The following PEBP4 variants were observed in gnomAD, a reference collection of about 807,000 sequenced individuals.
PEBP4 encodes the protein phosphatidylethanolamine-binding protein 4.
A neutral mutation model predicts 23.9 loss-of-function variants in PEBP4; 22 were observed. The observed-to-expected ratio is 0.92, with a 90% confidence interval of 0.66 to 1.31. The LOEUF is 1.31. Ranked by LOEUF, PEBP4 falls within the 40% of genes most tolerant of loss-of-function variation. The pLI, the probability that PEBP4 is intolerant of heterozygous loss-of-function variation, is 0.00. For missense variants in PEBP4, 324 were observed against 281.7 expected (o/e 1.15, Z -1.07); for synonymous variants, 112 against 99.3 (o/e 1.13, Z -0.76).
chr8:22,721,596 C>T (rs181417774), intron 6 of PEBP4, among the ~76,000 whole-genome samples: 208 of 152,226 alleles, frequency 1.4e-3, no homozygotes, highest in African/African-American at 4.7e-3. Context: ...CTGCCATAGA[C>T]GCCCCTCTAC....
At chr8:22,753,307 A>T (rs1341059021) in intron 4 of PEBP4, among the ~76,000 whole-genome samples, 4 of 152,100 alleles carry the variant, frequency 2.6e-5, no homozygotes, top group Non-Finnish European at 5.9e-5. Context: ...CATCCCAGAG[A>T]CAAGCAGGTT....
chr8:22,816,102 G>C (rs1051465793), intron 4 of PEBP4, among the ~76,000 whole-genome samples: 1 of 152,188 alleles, frequency 6.6e-6, no homozygotes, highest in Non-Finnish European at 1.5e-5. Context: ...TCTAGCCTTG[G>C]GGGGTGAGGG....
At chr8:22,832,732 G>T (rs1195021832) in intron 3 of PEBP4, among the ~76,000 whole-genome samples, 1 of 152,084 alleles carries the variant, frequency 6.6e-6, no homozygotes, top group African/African-American at 2.4e-5. Flanking sequence ...GGCAAGGTGG[G>T]GACTGTTTTT....
At chr8:22,925,979 T>G (rs541160330) in intron 2 of PEBP4, among the ~76,000 whole-genome samples, 1 of 152,206 alleles carries the variant, frequency 6.6e-6, no homozygotes, top group Admixed American at 6.5e-5. Flanking sequence ...TTGTTTGTTT[T>G]TTTGTTTGTT....
intron 3 of PEBP4, among the ~76,000 whole-genome samples, chr8:22,839,300 G>A (rs1307543316): frequency 6.6e-6 from 1 of 152,172 alleles, no homozygotes; most frequent in African/African-American, 2.4e-5. Context: ...TACCCAGCTG[G>A]GAGGGGCGGG....
intron 4 of PEBP4, among the ~76,000 whole-genome samples, chr8:22,748,873 T>C (rs1044375598): frequency 6.6e-6 from 1 of 152,092 alleles, no homozygotes; most frequent in African/African-American, 2.4e-5. Context: ...CGGACTTGCC[T>C]GGGGGAAGGG....
At chr8:22,790,640 G>A (rs1806119102) in intron 4 of PEBP4, among the ~76,000 whole-genome samples, 1 of 152,136 alleles carries the variant, frequency 6.6e-6, no homozygotes, top group African/African-American at 2.4e-5. Context: ...ACCTTGAAGG[G>A]TCTTGTGGCT....
intron 4 of PEBP4, among the ~76,000 whole-genome samples, chr8:22,772,884 G>A (rs1805743447): frequency 6.6e-6 from 1 of 152,178 alleles, no homozygotes; most frequent in African/African-American, 2.4e-5. Flanking sequence ...CTTCAAGGCA[G>A]CCTCCACCAG....
chr8:22,833,316 T>C (rs1807126756), intron 3 of PEBP4, among the ~76,000 whole-genome samples: 1 of 152,178 alleles, frequency 6.6e-6, no homozygotes, highest in African/African-American at 2.4e-5. Flanking sequence ...CTGAGGACCA[T>C]CAAGCATGGC....
intron 2 of PEBP4, 46 bp from the exon 3 acceptor site, chr8:22,920,356 A>G: frequency 6.3e-7 from 1 of 1,583,354 alleles, no homozygotes; most frequent in South Asian, 1.1e-5. Flanking sequence ...GTTTTAAGGG[A>G]GCCTGGGGTT....
At chr8:22,748,729 G>C (rs1227601022) in intron 4 of PEBP4, among the ~76,000 whole-genome samples, 1 of 152,064 alleles carries the variant, frequency 6.6e-6, no homozygotes, top group Admixed American at 6.5e-5. Context: ...ATAAGCAAGA[G>C]CATCCCAGAA....
Position 22,865,404 on chromosome 8 carries a change from G to A in PEBP4, c.259-47669C>T, listed in dbSNP as rs1433624323. Among the ~76,000 whole-genome samples, 1 of 151,980 alleles carries A rather than the reference G, an allele frequency of 6.6e-6. No homozygotes were observed. The highest frequency in any genetic ancestry group is 2.4e-5 in the African/African-American group (1 of 41,412). ...GTGGCGGCGGCGGGACCCCGGGCCTGGCTGCGCGCTCCACCTGCGCCTCCA... is the reference window on the plus strand; with the variant it reads ...GTGGCGGCGGCGGGACCCCGGGCCTAGCTGCGCGCTCCACCTGCGCCTCCA... On this transcript the variant is annotated intron_variant, in intron 3 of 6. Coordinates refer to ENST00000256404, the MANE Select transcript of PEBP4 (RefSeq NM_144962.3). The surrounding 1 kb of genome is among the most constrained non-coding windows in gnomAD (Gnocchi z 6.9).
chr8:22,757,395 C>T (rs1010855044), intron 4 of PEBP4: 2 of 152,280 alleles, frequency 1.3e-5, no homozygotes, highest in Admixed American at 6.5e-5. Flanking sequence ...ATGGCAACTG[C>T]CCAGCTCGAC....
chr8:22,725,456 T>A (rs927922806), intron 5 of PEBP4, among the ~76,000 whole-genome samples: 5 of 151,162 alleles, frequency 3.3e-5, no homozygotes, highest in Admixed American at 1.3e-4. Context: ...GGGACTGGGT[T>A]CAAAGGTTTG....
At chr8:22,748,550 T>C (rs1313044468) in intron 4 of PEBP4, among the ~76,000 whole-genome samples, 1 of 151,796 alleles carries the variant, frequency 6.6e-6, no homozygotes, top group African/African-American at 2.4e-5. Flanking sequence ...CCACTTGCTC[T>C]TCTCCCCTCC....
At chr8:22,871,803 C>T (rs914095461) in intron 3 of PEBP4, among the ~76,000 whole-genome samples, 6 of 150,726 alleles carry the variant, frequency 4.0e-5, no homozygotes, top group African/African-American at 1.2e-4. Flanking sequence ...CCACCCGCCT[C>T]GGCCTCCCAA....
chr8:22,787,438 C>A (rs1051263678), intron 4 of PEBP4, among the ~76,000 whole-genome samples: 1 of 151,848 alleles, frequency 6.6e-6, no homozygotes, highest in African/African-American at 2.4e-5. Flanking sequence ...TGGAAATTGG[C>A]AGAGGCGGGG....
Position 22,865,495 on chromosome 8 carries a change from CGCAGCGAGAAGGA to C in PEBP4, c.259-47773_259-47761del, listed in dbSNP as rs1307042342. ...GAGCGCGCCACCGCCCCCCCGGCCG[CGCAGCGAGAAGGA>C]GCCTCGGGGAAGAGCTAAAAAAGGC... On this transcript the variant is annotated intron_variant, in intron 3 of 6. Transcript: ENST00000256404. This position sits in a 1 kb window ranked among gnomAD's most constrained non-coding sequence, Gnocchi z 6.9. 6.6e-6 allele frequency among the ~76,000 whole-genome samples: 1 copy of C among 151,990 alleles called. No homozygotes were observed. The highest frequency in any genetic ancestry group is 1.5e-5 in the Non-Finnish European group (1 of 67,974).
intron 4 of PEBP4, among the ~76,000 whole-genome samples, chr8:22,773,846 A>G (rs1426995876): frequency 1.3e-5 from 2 of 151,964 alleles, no homozygotes; most frequent in African/African-American, 2.4e-5. Context: ...ACCCTTTTCC[A>G]TCTTGTTCCT....
Sources: allele counts gnomAD v4.1 joint callset (sites outside exome capture counted in the v4.1 genomes callset), GRCh38; gene constraint gnomAD v4.1.1; non-coding constraint Gnocchi (gnomAD v3.1); transcripts MANE v1.5; gene names NCBI Gene and HGNC (gene_info 2026-07-23, HGNC 2026-07-21).